RBFOX3: variants seen among roughly 807,000 people sequenced by gnomAD.
RBFOX3 encodes RNA binding fox-1 homolog 3.
A neutral mutation model predicts 48.7 loss-of-function variants in RBFOX3; 17 were observed. That is an observed-to-expected ratio of 0.35 (90% CI 0.24 to 0.52). The LOEUF (loss-of-function observed/expected upper bound fraction) is 0.52. RBFOX3 is among the 20% of genes least tolerant of loss of function. RBFOX3 has a pLI of 0.94. For synonymous variants in RBFOX3, 212 were observed against 209.5 expected, an observed-to-expected ratio of 1.01 and a Z score of -0.10; for missense variants, 382 against 497.5, an observed-to-expected ratio of 0.77 and a Z score of 2.21.
intron 1 of RBFOX3, among the ~76,000 whole-genome samples, chr17:79,511,090 C>T (rs2084105185): frequency 6.6e-6 from 1 of 152,154 alleles, no homozygotes. Flanking sequence ...CAGGACTGTC[C>T]TCATCCACGC....
chr17:79,632,030 G>A, the RBFOX3 span, among the ~76,000 whole-genome samples: 2 of 152,182 alleles, frequency 1.3e-5, no homozygotes, highest in Non-Finnish European at 2.9e-5. Context: ...TGGTGCCTGC[G>A]GCAGGGCAGG....
In RBFOX3 at chr17:79,482,258, A is replaced by G. The variant is rs975821786; in HGVS notation, c.-175+196T>C. Among the ~76,000 whole-genome samples, 1 of 150,660 alleles carries G rather than the reference A, an allele frequency of 6.6e-6. No individual in the cohort carries two copies. Among genetic ancestry groups the G allele is most frequent in the African/African-American group, 2.4e-5 (1 of 41,114 alleles). ...GGTCACTCCTTAAAAATTCTACCCC[A>G]TACCTTCTTGGGCGTCCGTCGATGT... On this transcript the variant is annotated intron_variant, in intron 2 of 14. Coordinates refer to ENST00000693108, the MANE Select transcript of RBFOX3 (RefSeq NM_001350451.2). This position sits in a 1 kb window ranked among gnomAD's most constrained non-coding sequence, Gnocchi z 4.1.
At chr17:79,553,282 C>A (rs1169644204) in intron 1 of RBFOX3, among the ~76,000 whole-genome samples, 3 of 152,148 alleles carry the variant, frequency 2.0e-5, no homozygotes, top group African/African-American at 7.2e-5. Context: ...AAACAGATTT[C>A]TTCCTATTAA....
At chr17:79,560,764 C>T (rs1242064943) in intron 1 of RBFOX3, among the ~76,000 whole-genome samples, 1 of 152,202 alleles carries the variant, frequency 6.6e-6, no homozygotes, top group Non-Finnish European at 1.5e-5. Context: ...GCACGGCCAG[C>T]GCGAGAGCTG....
chr17:79,367,251 C>T (rs1337384497), intron 2 of RBFOX3, among the ~76,000 whole-genome samples: 1 of 146,674 alleles, frequency 6.8e-6, no homozygotes, highest in Admixed American at 6.8e-5. Flanking sequence ...TCCCTCCTCC[C>T]CTCCTCCTTT....
At chr17:79,302,400 C>T (rs2075448502) in intron 3 of RBFOX3, among the ~76,000 whole-genome samples, 1 of 152,176 alleles carries the variant, frequency 6.6e-6, no homozygotes, top group Non-Finnish European at 1.5e-5. Context: ...ACAGTGTTGG[C>T]CAGGTGTGGT....
intron 1 of RBFOX3, among the ~76,000 whole-genome samples, chr17:79,522,683 A>G (rs1456208299): frequency 1.3e-5 from 2 of 152,110 alleles, no homozygotes; most frequent in Non-Finnish European, 2.9e-5. Context: ...TAAACCCAGC[A>G]CTTTGGGATG....
At chr17:79,258,593 C>T (rs1320615731) in intron 3 of RBFOX3, among the ~76,000 whole-genome samples, 1 of 152,156 alleles carries the variant, frequency 6.6e-6, no homozygotes, top group Non-Finnish European at 1.5e-5. Context: ...CCTGGGCAGA[C>T]TAAAAGGAGC....
In RBFOX3 at chr17:79,345,085, C is replaced by T. The variant is rs118122363; in HGVS notation, c.-174-37261G>A. On this transcript the variant is annotated intron_variant, in intron 2 of 14. Coordinates refer to ENST00000693108, the MANE Select transcript of RBFOX3 (RefSeq NM_001350451.2). ...TTCTCTGCCTGTAGGGCTGATTATTCTCTGTTGTTTTTGCTGAACTCTAAA... is the reference window on the plus strand; with the variant it reads ...TTCTCTGCCTGTAGGGCTGATTATTTTCTGTTGTTTTTGCTGAACTCTAAA... 7.4e-3 allele frequency among the ~76,000 whole-genome samples: 1,127 copies of T among 152,226 alleles called. 5 individuals carry two copies. Among genetic ancestry groups the T allele is most frequent in the Middle Eastern group, 0.024 (7 of 294 alleles).
At chr17:79,323,687 G>A (rs996745907) in intron 2 of RBFOX3, among the ~76,000 whole-genome samples, 2 of 152,356 alleles carry the variant, frequency 1.3e-5, no homozygotes, top group South Asian at 4.1e-4. Flanking sequence ...TACTGAAGAA[G>A]TAATGTCCTG....
At chr17:79,381,259 CA>C (rs35928942) in intron 2 of RBFOX3, among the ~76,000 whole-genome samples, 38,652 of 146,110 alleles carry the variant, frequency 0.26, 5,426 homozygotes, top group African/African-American at 0.42. Flanking sequence ...GACTCTGTCT[CA>C]AAAAAAAAAA....
intron 1 of RBFOX3, among the ~76,000 whole-genome samples, chr17:79,512,416 C>T (rs2084463083): frequency 1.6e-5 from 2 of 121,622 alleles, no homozygotes; most frequent in Non-Finnish European, 3.4e-5. Flanking sequence ...CCAGGGGACG[C>T]ACACCTGGAT....
At chr17:79,105,549 C>T (rs1350031393) in intron 6 of RBFOX3, among the ~76,000 whole-genome samples, 1 of 152,202 alleles carries the variant, frequency 6.6e-6, no homozygotes, top group Non-Finnish European at 1.5e-5. Context: ...TCATGCCAGC[C>T]CTCCAATGAG....
chr17:79,372,189 A>G (rs965793034), intron 2 of RBFOX3, among the ~76,000 whole-genome samples: 38 of 152,044 alleles, frequency 2.5e-4, no homozygotes, highest in African/African-American at 7.7e-4. Context: ...TGCCCCGGAC[A>G]GCACTGCCTG....
intron 4 of RBFOX3, among the ~76,000 whole-genome samples, chr17:79,209,897 TGAGGCAG>T (rs2058124446): frequency 6.7e-6 from 1 of 149,674 alleles, no homozygotes. Flanking sequence ...CTTGGGAGGC[TGAGGCAG>T]GAGAATGGCG....
At chr17:79,098,830 G>A (rs2075902453) in intron 9 of RBFOX3, 1 of 152,444 alleles carries the variant, frequency 6.6e-6, no homozygotes, top group Non-Finnish European at 1.5e-5. Context: ...GCACTGGGTG[G>A]GGAGGAACAG....
At position 79,355,877 on chromosome 17, in the gene RBFOX3, G is replaced by A. The variant is rs116024306; in HGVS notation, c.-174-48053C>T. Among the ~76,000 whole-genome samples, 378 of 152,296 alleles carry A rather than the reference G, an allele frequency of 2.5e-3. 1 individual carries two copies. Among genetic ancestry groups the A allele is most frequent in the African/African-American group, 8.6e-3 (359 of 41,560 alleles). ...ATTACAGACGTGAACCACCGTGCCT[G>A]GCCGAACTGCTTTTTAGAAATTATG... On this transcript the variant is annotated intron_variant, in intron 2 of 14. Transcript: ENST00000693108.
At chr17:79,194,422 C>T (rs2055138466) in intron 4 of RBFOX3, among the ~76,000 whole-genome samples, 1 of 152,088 alleles carries the variant, frequency 6.6e-6, no homozygotes, top group Admixed American at 6.6e-5. Context: ...GCCTGGCCAA[C>T]ATGGTGAAAC....
chr17:79,514,189 G>C (rs1435619385), intron 1 of RBFOX3, among the ~76,000 whole-genome samples: 1 of 152,142 alleles, frequency 6.6e-6, no homozygotes, highest in Non-Finnish European at 1.5e-5. Context: ...AGAAAACGCG[G>C]CCAACACTCC....
Sources: allele counts gnomAD v4.1 joint callset (sites outside exome capture counted in the v4.1 genomes callset), GRCh38; gene constraint gnomAD v4.1.1; non-coding constraint Gnocchi (gnomAD v3.1); transcripts MANE v1.5; gene names NCBI Gene and HGNC (gene_info 2026-07-23, HGNC 2026-07-21).